CPEB1: variants seen among roughly 807,000 people sequenced by gnomAD.
CPEB1 encodes cytoplasmic polyadenylation element binding protein 1.
A neutral mutation model predicts 65.8 loss-of-function variants in CPEB1; 7 were observed. That is an observed-to-expected ratio of 0.11 (90% CI 0.06 to 0.20). The LOEUF (loss-of-function observed/expected upper bound fraction) is 0.20, where lower values mean the gene tolerates loss of function less well. Ranked by LOEUF, CPEB1 falls within the 10% of genes least tolerant of loss-of-function variation. The pLI is 1.00. For missense variants in CPEB1, 551 were observed against 712.2 expected (o/e 0.77, Z 2.58); for synonymous variants, 262 against 260.0 (o/e 1.01, Z -0.08).
At chr15:82,613,956 G>A (rs1018750184) in intron 3 of CPEB1, among the ~76,000 whole-genome samples, 3 of 149,538 alleles carry the variant, frequency 2.0e-5, no homozygotes, top group African/African-American at 4.9e-5. Flanking sequence ...CTTCAGCCTC[G>A]CTGCTTCTGA....
At chr15:82,582,341 G>C (rs1004703561) in intron 3 of CPEB1, among the ~76,000 whole-genome samples, 2 of 152,148 alleles carry the variant, frequency 1.3e-5, no homozygotes, top group South Asian at 4.1e-4. Flanking sequence ...CTGCATGCAG[G>C]ATAAAAATCT....
At chr15:82,561,771 T>A (rs556180077) in intron 4 of CPEB1, among the ~76,000 whole-genome samples, 1 of 152,206 alleles carries the variant, frequency 6.6e-6, no homozygotes, top group Non-Finnish European at 1.5e-5. Flanking sequence ...CTTTGTCAAA[T>A]TCCTGTACAA....
upstream of CPEB1, chr15:82,648,027 C>G: frequency 2.0e-6 from 1 of 511,948 alleles, no homozygotes. Context: ...GGAGCCGCCC[C>G]CCGGCCGGAT....
intron 3 of CPEB1, chr15:82,571,920 A>G: frequency 4.3e-6 from 4 of 927,972 alleles, no homozygotes; most frequent in African/African-American, 1.8e-5. Context: ...GAAAGACAGC[A>G]CAACAGCTAC....
chr15:82,643,105 C>T (rs998096444), intron 1 of CPEB1, among the ~76,000 whole-genome samples: 1 of 152,066 alleles, frequency 6.6e-6, no homozygotes, highest in African/African-American at 2.4e-5. Flanking sequence ...CCTTCCCCTC[C>T]CCAGCACACT....
intron 3 of CPEB1, among the ~76,000 whole-genome samples, chr15:82,605,497 G>T (rs1250294813): frequency 6.6e-6 from 1 of 152,084 alleles, no homozygotes; most frequent in Non-Finnish European, 1.5e-5. Flanking sequence ...TTGTATAGTT[G>T]TATACAACTA....
chr15:82,566,959 GGA>G (rs1202634419), intron 4 of CPEB1, among the ~76,000 whole-genome samples: 1 of 152,062 alleles, frequency 6.6e-6, no homozygotes, highest in Non-Finnish European at 1.5e-5. Context: ...CAGAAGAATG[GGA>G]GAGACCTTGT....
chr15:82,552,349 G>A (rs2036417500), intron 9 of CPEB1, 131 bp downstream of exon 9: 3 of 810,528 alleles, frequency 3.7e-6, no homozygotes, highest in East Asian at 3.1e-5. Context: ...TTTATTGTGG[G>A]ACAAGAAGAG....
intron 3 of CPEB1, among the ~76,000 whole-genome samples, chr15:82,582,356 G>C (rs1255603908): frequency 6.6e-6 from 1 of 152,182 alleles, no homozygotes; most frequent in Non-Finnish European, 1.5e-5. Flanking sequence ...AAATCTCTGG[G>C]ACAAAAGCCC....
chr15:82,586,990 T>TA (rs1596068568), intron 3 of CPEB1, among the ~76,000 whole-genome samples: 1 of 152,194 alleles, frequency 6.6e-6, no homozygotes, highest in African/African-American at 2.4e-5. Flanking sequence ...CAATTGTCTT[T>TA]AAGACAGTTT....
chr15:82,615,394 A>G (rs1200621082), intron 3 of CPEB1, among the ~76,000 whole-genome samples: 3 of 152,216 alleles, frequency 2.0e-5, no homozygotes, highest in Non-Finnish European at 2.9e-5. Flanking sequence ...TTTGAATAAA[A>G]TAATTTTTTC....
intron 3 of CPEB1, among the ~76,000 whole-genome samples, chr15:82,597,421 T>C (rs141419836): frequency 0.011 from 1,601 of 152,298 alleles, 13 homozygotes; most frequent in Non-Finnish European, 0.017. Context: ...CTTTTAAGCA[T>C]TTCGTGGGGC....
In CPEB1 at chr15:82,612,507, A is replaced by C. The variant is rs1421356895; in HGVS notation, c.271+14686T>G. 4.9e-5 allele frequency among the ~76,000 whole-genome samples: 6 copies of C among 122,726 alleles called. No homozygotes were observed. The South Asian group carries it at 8.7e-4, about 18-fold the overall frequency. The allele number at this position is 122,726 out of a possible 152,430, so 80.5% of individuals were successfully genotyped here. On this transcript the variant is annotated intron_variant, in intron 3 of 12. Coordinates refer to ENST00000684509, the MANE Select transcript of CPEB1 (RefSeq NM_001365242.1). ...GCGAGAGTCTGTCCAAAAAAAAAAA[A>C]ACAAAAAAAAAAACACAGAAATTTG...
At chr15:82,646,063 T>C (rs1309060545) in intron 1 of CPEB1, among the ~76,000 whole-genome samples, 1 of 152,100 alleles carries the variant, frequency 6.6e-6, no homozygotes, top group Non-Finnish European at 1.5e-5. Context: ...CTTTTCTAAC[T>C]ATGCAAAAAA....
At chr15:82,644,090 G>C (rs587647144) in intron 1 of CPEB1, among the ~76,000 whole-genome samples, 2 of 152,140 alleles carry the variant, frequency 1.3e-5, no homozygotes, top group African/African-American at 2.4e-5. Context: ...CCAGACCTCC[G>C]GCTCTCAGGA....
rs553310645 is a variant in CPEB1 at position 82,560,063 on chromosome 15, G to A, written c.461-2077C>T. ...TGCGCCACTACACTCCAGCCTGGGT[G>A]ATAGAGCAAGACTCTGAAAAAAAAA... On this transcript the variant is annotated intron_variant, in intron 4 of 12. Coordinates refer to ENST00000684509, the MANE Select transcript of CPEB1 (RefSeq NM_001365242.1). Among the ~76,000 whole-genome samples the A allele has an allele frequency of 1.1e-4, 17 of 152,166 alleles. No individual in the cohort carries two copies. In the East Asian group the frequency reaches 3.1e-3, roughly 28 times the overall value.
At chr15:82,636,802 G>A (rs1452335950) in intron 1 of CPEB1, among the ~76,000 whole-genome samples, 2 of 152,100 alleles carry the variant, frequency 1.3e-5, no homozygotes, top group Admixed American at 6.6e-5. Flanking sequence ...TCCTGTCATA[G>A]GTATTTTTAC....
chr15:82,576,456 T>A (rs1250308155), intron 3 of CPEB1, among the ~76,000 whole-genome samples: 1 of 152,228 alleles, frequency 6.6e-6, no homozygotes, highest in Non-Finnish European at 1.5e-5. Context: ...AAAAAAGTTA[T>A]AAACAAATAT....
intron 3 of CPEB1, among the ~76,000 whole-genome samples, chr15:82,600,286 T>C (rs1325077579): frequency 6.6e-6 from 1 of 152,198 alleles, no homozygotes; most frequent in Non-Finnish European, 1.5e-5. Flanking sequence ...AATCAAGAAT[T>C]GTGTAACCAC....
Sources: gnomAD v4.1 joint callset for allele counts (sites outside exome capture counted in the v4.1 genomes callset) on GRCh38, gnomAD v4.1.1 for gene constraint, MANE v1.5 for transcripts, NCBI Gene and HGNC (gene_info 2026-07-23, HGNC 2026-07-21) for gene names.